Variants in ARMC2 observed in about 807,000 individuals in gnomAD.
ARMC2 encodes the protein armadillo repeat containing 2.
A neutral mutation model predicts 90.3 loss-of-function variants in ARMC2; 67 were observed. The ratio of observed to expected loss-of-function variants is 0.74; its 90% CI spans 0.61 to 0.91. ARMC2 has a LOEUF of 0.91. ARMC2 is among the 40% of genes least tolerant of loss of function. ARMC2 has a pLI of 0.00. For synonymous variants in ARMC2, 393 were observed against 393.0 expected, an observed-to-expected ratio of 1.00 and a Z score of 0.00; for missense variants, 920 against 1,030.9, an observed-to-expected ratio of 0.89 and a Z score of 1.47.
At chr6:109,047,956 G>A in the ARMC2 span, among the ~76,000 whole-genome samples, 1 of 146,732 alleles carries the variant, frequency 6.8e-6, no homozygotes, top group South Asian at 2.3e-4. Flanking sequence ...CACAAACACT[G>A]CGGAAGGCCA....
intron 9 of ARMC2, among the ~76,000 whole-genome samples, chr6:108,911,652 G>A (rs969003624): frequency 1.1e-4 from 16 of 151,998 alleles, no homozygotes; most frequent in Middle Eastern, 3.4e-3. Flanking sequence ...TGGCAGATAG[G>A]GACAAAACCA....
chr6:108,883,346 G>A (rs1351523410), intron 5 of ARMC2, among the ~76,000 whole-genome samples: 1 of 152,150 alleles, frequency 6.6e-6, no homozygotes, highest in Non-Finnish European at 1.5e-5. Context: ...ACAAAATGAT[G>A]AGTCAAAATT....
At chr6:108,951,245 G>A (rs1777157684) in intron 12 of ARMC2, among the ~76,000 whole-genome samples, 1 of 152,124 alleles carries the variant, frequency 6.6e-6, no homozygotes, top group African/African-American at 2.4e-5. Flanking sequence ...CCCCACATAT[G>A]TTAGCCTTGT....
chr6:108,956,573 C>A lies in ARMC2; in HGVS notation c.1915+3222C>A, dbSNP rs185308421. Among the ~76,000 whole-genome samples the A allele has an allele frequency of 9.9e-5, 15 of 151,302 alleles. No homozygotes were observed. In the East Asian group the frequency reaches 2.1e-3, roughly 22 times the overall value. ...AAAATTAGCTGAGTGTGGTGGGACA[C>A]GCCTGTGATCTCAGCTACTCAGGAG... On this transcript the variant is annotated intron_variant, in intron 13 of 17. Coordinates refer to ENST00000392644, the MANE Select transcript of ARMC2 (RefSeq NM_032131.6).
At chr6:108,987,312 A>G in the ARMC2 span, 7 of 441,270 alleles carry the variant, frequency 1.6e-5, no homozygotes, top group Non-Finnish European at 2.4e-5. Flanking sequence ...GTCAAAAAGC[A>G]AAATACTGTG....
the ARMC2 span, among the ~76,000 whole-genome samples, chr6:109,048,229 A>G: frequency 5.3e-5 from 8 of 152,284 alleles, no homozygotes; most frequent in East Asian, 1.4e-3. Context: ...AGGCCTCAAT[A>G]AACATTCAGA....
chr6:108,962,797 G>C (rs533050536), intron 15 of ARMC2, among the ~76,000 whole-genome samples: 1 of 152,138 alleles, frequency 6.6e-6, no homozygotes, highest in Non-Finnish European at 1.5e-5. Context: ...TTGAGGGCAC[G>C]AGTTTGAGAT....
chr6:108,866,966 A>G (rs1775881709), intron 3 of ARMC2, among the ~76,000 whole-genome samples: 1 of 152,046 alleles, frequency 6.6e-6, no homozygotes, highest in African/African-American at 2.4e-5. Context: ...TGGGAAAACA[A>G]GTGTTTGGGA....
chr6:108,888,103 G>C (rs1487784262), intron 5 of ARMC2, among the ~76,000 whole-genome samples: 1 of 152,192 alleles, frequency 6.6e-6, no homozygotes, highest in Non-Finnish European at 1.5e-5. Flanking sequence ...TGAGTGCTGG[G>C]TTCCAGACTT....
chr6:109,030,803 C>T, the ARMC2 span, among the ~76,000 whole-genome samples: 1 of 152,180 alleles, frequency 6.6e-6, no homozygotes, highest in Non-Finnish European at 1.5e-5. Flanking sequence ...TTACAACAAC[C>T]TTGTAAGATG....
chr6:108,896,830 C>T (rs962188817), intron 6 of ARMC2, among the ~76,000 whole-genome samples: 5 of 152,122 alleles, frequency 3.3e-5, no homozygotes, highest in African/African-American at 1.2e-4. Context: ...AAAATGCAGA[C>T]TTGAACTTAT....
At chr6:108,938,415 AT>A (rs34837816) in intron 12 of ARMC2, among the ~76,000 whole-genome samples, 454 of 141,428 alleles carry the variant, frequency 3.2e-3, no homozygotes, top group Non-Finnish European at 4.0e-3. Context: ...CACCTGGCTA[AT>A]TTTTTTTTTT....
the ARMC2 span, chr6:109,009,340 C>T: frequency 6.8e-7 from 1 of 1,467,502 alleles, no homozygotes; most frequent in African/African-American, 1.5e-5. Flanking sequence ...GCGGCCCGCT[C>T]AGCCCCTCGC....
intron 17 of ARMC2, among the ~76,000 whole-genome samples, chr6:108,969,899 G>GGT (rs1472917864): frequency 6.6e-6 from 1 of 151,974 alleles, no homozygotes; most frequent in Non-Finnish European, 1.5e-5. Flanking sequence ...AAATTAGCTG[G>GGT]GTGTGTGTGT....
the ARMC2 span, chr6:109,009,374 G>T: frequency 6.8e-7 from 1 of 1,467,640 alleles, no homozygotes. Flanking sequence ...CCTGGTCGCG[G>T]CCCCCGCCGC....
chr6:108,854,117 TA>T, intron 1 of ARMC2, 107 bp from the exon 2 acceptor site: 1 of 585,048 alleles, frequency 1.7e-6, no homozygotes, highest in South Asian at 2.1e-5. Flanking sequence ...GGTGGATTTT[TA>T]AAAGCTTAAT....
chr6:108,993,033 T>C, the ARMC2 span: 2 of 599,270 alleles, frequency 3.3e-6, no homozygotes, highest in South Asian at 4.3e-5. Context: ...AGTCTTACAA[T>C]TATACAAAGT....
chr6:108,998,526 G>A, the ARMC2 span: 3 of 1,613,766 alleles, frequency 1.9e-6, no homozygotes, highest in South Asian at 1.1e-5. Flanking sequence ...AACATTTTCT[G>A]CTGAGTTGAC....
At chr6:108,956,437 C>A (rs896159217) in intron 13 of ARMC2, among the ~76,000 whole-genome samples, 2 of 151,808 alleles carry the variant, frequency 1.3e-5, no homozygotes, top group Non-Finnish European at 2.9e-5. Flanking sequence ...TGGTTCGCGC[C>A]TATAATCCCA....
Sources: allele counts gnomAD v4.1 joint callset (sites outside exome capture counted in the v4.1 genomes callset), GRCh38; gene constraint gnomAD v4.1.1; transcripts MANE v1.5; gene names NCBI Gene and HGNC (gene_info 2026-07-23, HGNC 2026-07-21).